The following LRMDA variants were observed in gnomAD, a reference collection of about 807,000 sequenced individuals.
LRMDA encodes leucine-rich melanocyte differentiation-associated protein.
LRMDA carries 18 observed loss-of-function variants against 29.8 expected under a neutral mutation model. That is an observed-to-expected ratio of 0.60 (90% CI 0.42 to 0.90). The LOEUF (loss-of-function observed/expected upper bound fraction) is 0.90. LRMDA is among the 40% of genes least tolerant of loss of function. LRMDA has a pLI of 0.00. For missense variants in LRMDA, 273 were observed against 273.9 expected (o/e 1.00, Z 0.02); for synonymous variants, 125 against 109.4 (o/e 1.14, Z -0.89).
intron 5 of LRMDA, among the ~76,000 whole-genome samples, chr10:76,256,765 C>A (rs949174979): frequency 6.6e-6 from 1 of 152,042 alleles, no homozygotes; most frequent in Admixed American, 6.6e-5. Context: ...TCTTTTAAGA[C>A]ACATCGTATT....
chr10:75,773,619 G>GTGAGGCCACTCACTCATTTCAGC (rs1843272415), intron 2 of LRMDA, among the ~76,000 whole-genome samples: 1 of 152,216 alleles, frequency 6.6e-6, no homozygotes, highest in Non-Finnish European at 1.5e-5. Context: ...TAGGCCTGCG[G>GTGAGGCCACTCACTCATTTCAGC]TGAGGCCACT....
intron 6 of LRMDA, among the ~76,000 whole-genome samples, chr10:76,336,202 C>G (rs1840966797): frequency 8.2e-6 from 1 of 122,194 alleles, no homozygotes; most frequent in Admixed American, 7.9e-5. Context: ...AAACAATTTT[C>G]AAATCCTGAC....
intron 2 of LRMDA, among the ~76,000 whole-genome samples, chr10:75,972,295 A>G (rs533645822): frequency 6.6e-6 from 1 of 151,786 alleles, no homozygotes; most frequent in Non-Finnish European, 1.5e-5. Flanking sequence ...TTTTTAATGA[A>G]TATTTTTTAA....
intron 2 of LRMDA, among the ~76,000 whole-genome samples, chr10:75,477,887 G>A (rs1844814386): frequency 6.6e-6 from 1 of 152,218 alleles, no homozygotes; most frequent in Admixed American, 6.5e-5. Context: ...AGGCCTCCTT[G>A]TCATATCTGT....
intron 2 of LRMDA, among the ~76,000 whole-genome samples, chr10:75,808,596 G>T (rs527741632): frequency 1.3e-4 from 20 of 152,090 alleles, no homozygotes; most frequent in African/African-American, 3.9e-4. Context: ...TGTAACTTCC[G>T]ACTCCTTGGT....
intron 2 of LRMDA, among the ~76,000 whole-genome samples, chr10:76,024,843 T>C (rs546917717): frequency 6.6e-6 from 1 of 152,324 alleles, no homozygotes; most frequent in East Asian, 1.9e-4. Flanking sequence ...GACACTGTTA[T>C]CTTTCAAGCA....
At chr10:75,869,682 C>T (rs1845077258) in intron 2 of LRMDA, among the ~76,000 whole-genome samples, 1 of 152,182 alleles carries the variant, frequency 6.6e-6, no homozygotes. Context: ...TCATTGCTCA[C>T]TTAATGAAGT....
intron 2 of LRMDA, among the ~76,000 whole-genome samples, chr10:75,874,755 T>A (rs1845168498): frequency 6.6e-6 from 1 of 152,132 alleles, no homozygotes; most frequent in South Asian, 2.1e-4. Context: ...TGAGCTGAGG[T>A]TTATAAAATA....
At chr10:76,160,369 C>G (rs1333984179) in intron 5 of LRMDA, among the ~76,000 whole-genome samples, 4 of 151,824 alleles carry the variant, frequency 2.6e-5, no homozygotes, top group African/African-American at 9.7e-5. Context: ...TCAGGGAAAT[C>G]TGACACTGAC....
intron 2 of LRMDA, among the ~76,000 whole-genome samples, chr10:75,668,523 C>T (rs1438327996): frequency 6.6e-6 from 1 of 152,112 alleles, no homozygotes; most frequent in Non-Finnish European, 1.5e-5. Flanking sequence ...GGTTTTGTCT[C>T]CAAGTGTAAT....
chr10:75,856,132 T>C (rs551849188), intron 2 of LRMDA, among the ~76,000 whole-genome samples: 50 of 152,306 alleles, frequency 3.3e-4, no homozygotes, highest in African/African-American at 1.2e-3. Flanking sequence ...GGGGATGGCA[T>C]TGAATCTATA....
intron 6 of LRMDA, among the ~76,000 whole-genome samples, chr10:76,504,906 T>A (rs1469467415): frequency 6.6e-6 from 1 of 152,076 alleles, no homozygotes; most frequent in Non-Finnish European, 1.5e-5. Flanking sequence ...GTGGGCTATG[T>A]GCTTAAGTGT....
chr10:76,339,822 A>AG (rs1841015472), intron 6 of LRMDA, among the ~76,000 whole-genome samples: 1 of 152,098 alleles, frequency 6.6e-6, no homozygotes, highest in African/African-American at 2.4e-5. Context: ...GTCTAAACAG[A>AG]GAAAAAAATA....
At chr10:75,836,200 C>A (rs1460910567) in intron 2 of LRMDA, among the ~76,000 whole-genome samples, 3 of 152,090 alleles carry the variant, frequency 2.0e-5, no homozygotes, top group Non-Finnish European at 4.4e-5. Flanking sequence ...GAAAGCAGGT[C>A]CTTTGGAGAA....
rs536333289 is a variant in LRMDA, at chr10:75,803,935, C to T, written c.132-232073C>T. 4.6e-5 allele frequency among the ~76,000 whole-genome samples: 7 copies of T among 152,208 alleles called. No homozygotes were observed. The South Asian group carries it at 1.0e-3, about 23-fold the overall frequency. ...CTGGTCTGCCATCTGCTGACCCATT[C>T]GCTGCTCCTGTCACGTCAAAGATAG... On this transcript the variant is annotated intron_variant, in intron 2 of 6. Coordinates refer to ENST00000611255, the MANE Select transcript of LRMDA (RefSeq NM_001305581.2).
chr10:76,040,046 A>C (rs1848315792), intron 3 of LRMDA, among the ~76,000 whole-genome samples: 1 of 152,126 alleles, frequency 6.6e-6, no homozygotes, highest in Admixed American at 6.5e-5. Flanking sequence ...TCTCATTTTT[A>C]TGGAAAAACT....
At chr10:76,414,127 G>T (rs1490437049) in intron 6 of LRMDA, among the ~76,000 whole-genome samples, 1 of 152,172 alleles carries the variant, frequency 6.6e-6, no homozygotes, top group African/African-American at 2.4e-5. Context: ...ATATGAACTT[G>T]GACATGCTTT....
rs35277401 is a variant in LRMDA at position 75,748,099 on chromosome 10, A to ATT, written c.132-287900_132-287899dup. 3.0e-3 allele frequency among the ~76,000 whole-genome samples: 446 copies of ATT among 149,304 alleles called. 1 individual carries two copies. Among genetic ancestry groups the ATT allele is most frequent in the African/African-American group, 0.011 (430 of 40,740 alleles). On this transcript the variant is annotated intron_variant, in intron 2 of 6. Coordinates refer to ENST00000611255, the MANE Select transcript of LRMDA (RefSeq NM_001305581.2). Reference sequence around the variant, plus strand: ...AACAGGCTTTTATTGTTGTTTAGCTATTTTTTTTTTCCAGACAGAGTTCTG... The same window carrying ATT: ...AACAGGCTTTTATTGTTGTTTAGCTATTTTTTTTTTTTCCAGACAGAGTTCTG...
chr10:75,667,275 T>G (rs536401595), intron 2 of LRMDA, among the ~76,000 whole-genome samples: 1 of 152,164 alleles, frequency 6.6e-6, no homozygotes, highest in Non-Finnish European at 1.5e-5. Flanking sequence ...AATGGATTCT[T>G]TTACTGGGTG....
Sources: gnomAD v4.1 joint callset for allele counts (sites outside exome capture counted in the v4.1 genomes callset) on GRCh38, gnomAD v4.1.1 for gene constraint, MANE v1.5 for transcripts, NCBI Gene and HGNC (gene_info 2026-07-23, HGNC 2026-07-21) for gene names.